The following STK4 variants were observed in gnomAD, a reference collection of about 807,000 sequenced individuals.
STK4 encodes the protein serine/threonine-protein kinase 4.
A neutral mutation model predicts 64.9 loss-of-function variants in STK4; 30 were observed. That is an observed-to-expected ratio of 0.46 (90% CI 0.35 to 0.63). The LOEUF is 0.63. STK4 is among the 20% of genes least tolerant of loss of function. The pLI is 0.01. For synonymous variants in STK4, 177 were observed against 199.0 expected (o/e 0.89, Z 0.93); for missense variants, 466 against 598.5 (o/e 0.78, Z 2.31).
chr20:45,070,141 G>A (rs2145482493), intron 10 of STK4, among the ~76,000 whole-genome samples: 1 of 152,306 alleles, frequency 6.6e-6, no homozygotes, highest in Non-Finnish European at 1.5e-5. Flanking sequence ...GTAGCTGTAG[G>A]GTCCTGAGCA....
chr20:45,018,261 A>G (rs1222970572), intron 9 of STK4, among the ~76,000 whole-genome samples: 2 of 152,060 alleles, frequency 1.3e-5, no homozygotes. Context: ...TGAAACAGAG[A>G]AAAAAAATCA....
chr20:45,014,384 C>A (rs769108611), intron 9 of STK4, among the ~76,000 whole-genome samples: 8 of 151,886 alleles, frequency 5.3e-5, no homozygotes, highest in Non-Finnish European at 1.0e-4. Flanking sequence ...CAAGATCGTA[C>A]CACTACACTC....
intron 10 of STK4, among the ~76,000 whole-genome samples, chr20:45,036,795 G>A (rs763454999): frequency 3.3e-5 from 5 of 152,072 alleles, no homozygotes; most frequent in African/African-American, 1.2e-4. Flanking sequence ...AGGTATTTAC[G>A]TATGGGAAAA....
intron 10 of STK4, among the ~76,000 whole-genome samples, chr20:45,045,543 A>T (rs1249276374): frequency 6.6e-6 from 1 of 152,264 alleles, no homozygotes; most frequent in African/African-American, 2.4e-5. Flanking sequence ...GTAACCAGGA[A>T]GAATGATTTC....
intron 10 of STK4, among the ~76,000 whole-genome samples, chr20:45,029,577 T>C (rs1056539367): frequency 6.6e-6 from 1 of 152,232 alleles, no homozygotes; most frequent in South Asian, 2.1e-4. Context: ...ACCTTGATCC[T>C]AAAGCAAGCA....
intron 2 of STK4, among the ~76,000 whole-genome samples, chr20:44,978,036 G>T (rs2067369579): frequency 6.6e-6 from 1 of 152,150 alleles, no homozygotes. Context: ...ATCCTGGACT[G>T]ATAACTTATG....
rs979491587 is a variant in STK4, at chr20:45,079,793, T to C, written c.*4617T>C. Reference sequence around the variant, plus strand: ...GTAAGTAATCAATTGAGGTCAGCAGTTTGTATGAGACATAGCTTCCTCCAT... The same window carrying C: ...GTAAGTAATCAATTGAGGTCAGCAGCTTGTATGAGACATAGCTTCCTCCAT... On this transcript the variant is annotated 3_prime_UTR_variant, in exon 11 of 11. Transcript: ENST00000372806. The C allele has an allele frequency of 1.3e-4, 20 of 152,680 alleles. No individual in the cohort carries two copies. Among genetic ancestry groups the C allele is most frequent in the African/African-American group, 4.8e-4 (20 of 41,476 alleles). The allele number at this position is 152,680 out of a possible 1,614,324, so 9.5% of individuals were successfully genotyped here. A position where few individuals can be genotyped will look rare whatever the true frequency, so the allele number is the denominator to read the frequency against.
chr20:45,020,875 G>A (rs1260149856), intron 9 of STK4, among the ~76,000 whole-genome samples: 4 of 151,560 alleles, frequency 2.6e-5, no homozygotes, highest in Non-Finnish European at 4.4e-5. Context: ...ACAGTTGTGC[G>A]ATCATAGCTC....
intron 10 of STK4, among the ~76,000 whole-genome samples, chr20:45,067,253 C>T (rs1177211200): frequency 6.6e-6 from 1 of 152,070 alleles, no homozygotes; most frequent in African/African-American, 2.4e-5. Flanking sequence ...GTGTTCTTTC[C>T]TCATTCTTGG....
At chr20:44,995,605 CAAAAAAAAAAAAAA>C (rs60140206) in intron 6 of STK4, among the ~76,000 whole-genome samples, 1 of 54,550 alleles carries the variant, frequency 1.8e-5, no homozygotes, top group Non-Finnish European at 3.4e-5. Context: ...GACTCCATCT[CAAAAAAAAAAAAAA>C]AAAAAAAAAA....
intron 9 of STK4, among the ~76,000 whole-genome samples, chr20:45,007,348 C>G (rs1206299455): frequency 6.6e-6 from 1 of 152,054 alleles, no homozygotes; most frequent in Non-Finnish European, 1.5e-5. Flanking sequence ...GTCAGAAGAT[C>G]GAGACCAGCC....
At chr20:45,020,025 CTT>C (rs2068214476) in intron 9 of STK4, among the ~76,000 whole-genome samples, 1 of 152,128 alleles carries the variant, frequency 6.6e-6, no homozygotes, top group Non-Finnish European at 1.5e-5. Context: ...TGTCAAGAAT[CTT>C]TATTTTGATT....
chr20:45,016,831 A>G (rs1332867646), intron 9 of STK4, among the ~76,000 whole-genome samples: 1 of 152,240 alleles, frequency 6.6e-6, no homozygotes, highest in Admixed American at 6.5e-5. Flanking sequence ...AATGAAGAAC[A>G]TAGGAAAGTG....
At chr20:45,019,703 C>T (rs532735379) in intron 9 of STK4, among the ~76,000 whole-genome samples, 1 of 152,200 alleles carries the variant, frequency 6.6e-6, no homozygotes, top group Admixed American at 6.5e-5. Flanking sequence ...TCAGTCCATT[C>T]TTTCTACGGC....
At chr20:45,045,777 C>T (rs913879092) in intron 10 of STK4, among the ~76,000 whole-genome samples, 1 of 147,938 alleles carries the variant, frequency 6.8e-6, no homozygotes, top group Non-Finnish European at 1.5e-5. Context: ...AGTAATTTTG[C>T]TATTGTCAGA....
chr20:45,060,647 G>A (rs919108204), intron 10 of STK4, among the ~76,000 whole-genome samples: 6 of 152,150 alleles, frequency 3.9e-5, no homozygotes, highest in South Asian at 2.1e-4. Flanking sequence ...CAGTGTCTGC[G>A]TCTGTAAGAT....
At chr20:45,065,688 T>A (rs1979506412) in intron 10 of STK4, among the ~76,000 whole-genome samples, 1 of 152,180 alleles carries the variant, frequency 6.6e-6, no homozygotes, top group African/African-American at 2.4e-5. Context: ...TTTTTTGTAT[T>A]TCTGTGAGGT....
At chr20:44,984,492 G>A (rs765064350) in intron 4 of STK4, among the ~76,000 whole-genome samples, 5 of 151,992 alleles carry the variant, frequency 3.3e-5, no homozygotes, top group African/African-American at 1.2e-4. Context: ...GTGAGCCACC[G>A]TTCCCGGCCT....
chr20:45,032,639 C>T (rs1279388150), intron 10 of STK4, among the ~76,000 whole-genome samples: 1 of 152,160 alleles, frequency 6.6e-6, no homozygotes, highest in Non-Finnish European at 1.5e-5. Context: ...ACCATGTCAA[C>T]ATGTACCACA....
Sources: gnomAD v4.1 joint callset for allele counts (sites outside exome capture counted in the v4.1 genomes callset) on GRCh38, gnomAD v4.1.1 for gene constraint, MANE v1.5 for transcripts, NCBI Gene and HGNC (gene_info 2026-07-23, HGNC 2026-07-21) for gene names.